Variants in SUSD1 observed in about 807,000 individuals in gnomAD.
SUSD1 encodes the protein sushi domain containing 1.
SUSD1 carries 65 observed loss-of-function variants against 86.9 expected under a neutral mutation model. The ratio of observed to expected loss-of-function variants is 0.75; its 90% CI spans 0.61 to 0.92. SUSD1 has a LOEUF of 0.92. Ranked by LOEUF, SUSD1 falls within the 40% of genes least tolerant of loss-of-function variation. SUSD1 has a pLI of 0.00. For missense variants in SUSD1, 850 were observed against 929.7 expected, an observed-to-expected ratio of 0.91 and a Z score of 1.11; for synonymous variants, 346 against 350.0, an observed-to-expected ratio of 0.99 and a Z score of 0.13.
At chr9:112,146,629 T>C (rs1397168424) in intron 3 of SUSD1, among the ~76,000 whole-genome samples, 3 of 145,292 alleles carry the variant, frequency 2.1e-5, no homozygotes, top group African/African-American at 7.8e-5. Flanking sequence ...TCATTCTTCT[T>C]CCTAACTTAA....
intron 2 of SUSD1, among the ~76,000 whole-genome samples, chr9:112,150,337 A>C (rs2691669): frequency 0.45 from 68,836 of 152,106 alleles, 16,178 homozygotes; most frequent in African/African-American, 0.59. Context: ...GCTGATCTAC[A>C]CAGTTAGCTT....
chr9:112,156,202 G>A (rs908656482), intron 2 of SUSD1, among the ~76,000 whole-genome samples: 109 of 151,320 alleles, frequency 7.2e-4, no homozygotes, highest in African/African-American at 2.3e-3. Context: ...AGTGGCTGAC[G>A]CTTGTAATCC....
chr9:112,141,304 C>T (rs1345558099), intron 5 of SUSD1, among the ~76,000 whole-genome samples: 1 of 152,224 alleles, frequency 6.6e-6, no homozygotes, highest in Non-Finnish European at 1.5e-5. Context: ...GGGACCACTA[C>T]AATGTGGTCC....
chr9:112,041,922 G>A lies in SUSD1; in HGVS notation c.2188C>T (p.Leu730=). The change falls in exon 16 of 17, where the codon CTG becomes TTG. Residue 730 remains leucine (L), a synonymous_variant. Transcript: ENST00000374270. ...ATGATCACAACAGCCAGGGAACCCA[G>A]TCCAACACCCGCCATCTGCAGCAGC... ...LMLLQMAGVG[L]GSLAVVIILT... 1 of 1,614,072 alleles carries A rather than the reference G, an allele frequency of 6.2e-7. No individual in the cohort carries two copies. Among genetic ancestry groups the A allele is most frequent in the Non-Finnish European group, 8.5e-7 (1 of 1,179,964 alleles).
chr9:112,052,468 G>C lies in SUSD1; in HGVS notation c.2110-30C>G. 2.5e-6 allele frequency: 4 copies of C among 1,613,496 alleles called. No homozygotes were observed. In the East Asian group the frequency reaches 8.9e-5, roughly 36 times the overall value. On this transcript the variant is annotated intron_variant, in intron 14 of 16. Coordinates refer to ENST00000374270, the MANE Select transcript of SUSD1 (RefSeq NM_022486.5). The stretch of plus-strand genomic sequence containing the variant: ...AAAGGAAAACATAGCAATGCATTTA[G>C]CTAGGTGGCACACAGTGTCAGTTTA...
intron 2 of SUSD1, among the ~76,000 whole-genome samples, chr9:112,150,561 C>T (rs1175416487): frequency 1.3e-5 from 2 of 152,150 alleles, no homozygotes; most frequent in African/African-American, 2.4e-5. Flanking sequence ...GGGACACATA[C>T]TGAGGATTGT....
intron 8 of SUSD1, among the ~76,000 whole-genome samples, chr9:112,102,713 A>T (rs1022756516): frequency 5.3e-5 from 8 of 152,240 alleles, no homozygotes; most frequent in African/African-American, 1.9e-4. Flanking sequence ...GGCAAATAAA[A>T]ATCAAAGGCT....
chr9:112,156,110 T>A (rs1164291454), intron 2 of SUSD1, among the ~76,000 whole-genome samples: 2 of 150,992 alleles, frequency 1.3e-5, no homozygotes, highest in Non-Finnish European at 3.0e-5. Flanking sequence ...CATGCCACTG[T>A]ACTCCAGCCT....
At position 112,045,534 on chromosome 9, in the gene SUSD1, C is replaced by T. The variant is rs189264058; in HGVS notation, c.2150-3574G>A. Among the ~76,000 whole-genome samples, 365 of 119,790 alleles carry T rather than the reference C, an allele frequency of 3.0e-3. 2 individuals are homozygous for T. The highest frequency in any genetic ancestry group is 4.6e-3 in the Non-Finnish European group (277 of 60,334). 78.6% of individuals were successfully genotyped at this position (119,790 alleles called of 152,430 possible). On this transcript the variant is annotated intron_variant, in intron 15 of 16. Transcript: ENST00000374270. ...ATTATGCGTGCCATATTTCCCTGACCAATTACTGACTCTGTGCAAGAAGAA... is the reference window on the plus strand; with the variant it reads ...ATTATGCGTGCCATATTTCCCTGACTAATTACTGACTCTGTGCAAGAAGAA...
intron 3 of SUSD1, among the ~76,000 whole-genome samples, chr9:112,143,856 G>A (rs546930844): frequency 2.0e-5 from 3 of 152,136 alleles, no homozygotes; most frequent in Non-Finnish European, 2.9e-5. Context: ...GTTTGTCAGT[G>A]TGTTCTGGGA....
At chr9:112,091,858 C>T (rs1830219512) in intron 10 of SUSD1, among the ~76,000 whole-genome samples, 1 of 152,150 alleles carries the variant, frequency 6.6e-6, no homozygotes, top group Admixed American at 6.5e-5. Flanking sequence ...AATTTGGTAT[C>T]TGGTCAGAAC....
intron 2 of SUSD1, among the ~76,000 whole-genome samples, chr9:112,152,872 G>A (rs564413527): frequency 2.1e-5 from 3 of 145,436 alleles, no homozygotes; most frequent in South Asian, 2.2e-4. Context: ...CTCCTGCCTC[G>A]ACTTCTTGAA....
intron 3 of SUSD1, chr9:112,146,180 GA>G (rs11307607): frequency 0.25 from 38,349 of 152,056 alleles, 5,483 homozygotes; most frequent in African/African-American, 0.38. Flanking sequence ...GATTCTGAAA[GA>G]AACAGTATTA....
At chr9:112,157,476 C>T in intron 2 of SUSD1, 24 bp downstream of exon 2, 1 of 1,546,832 alleles carries the variant, frequency 6.5e-7, no homozygotes, top group Non-Finnish European at 8.9e-7. Context: ...AGCTTTTCAA[C>T]TTAACCCAGA....
chr9:112,081,845 A>G (rs1829780105), intron 10 of SUSD1, among the ~76,000 whole-genome samples: 1 of 152,240 alleles, frequency 6.6e-6, no homozygotes, highest in Non-Finnish European at 1.5e-5. Context: ...TGGAAAAGCT[A>G]TTAATAGGTT....
chr9:112,042,177 G>C (rs1182608949), intron 15 of SUSD1: 2 of 1,536,942 alleles, frequency 1.3e-6, no homozygotes, highest in Non-Finnish European at 1.7e-6. Flanking sequence ...TGAAAAGGAA[G>C]TGTAAAGCCA....
intron 8 of SUSD1, among the ~76,000 whole-genome samples, chr9:112,107,254 C>CAAAAAAAAAA (rs71382407): frequency 2.0e-4 from 13 of 66,120 alleles, no homozygotes; most frequent in East Asian, 4.3e-4. Flanking sequence ...GACCATATCT[C>CAAAAAAAAAA]AAAAAAAAAA....
chr9:112,111,150 A>G (rs1831079847), intron 8 of SUSD1, among the ~76,000 whole-genome samples: 1 of 151,862 alleles, frequency 6.6e-6, no homozygotes, highest in South Asian at 2.1e-4. Context: ...GTGCCACCAC[A>G]CCCAGCTAAG....
At chr9:112,051,408 CTTTTTTTTT>C (rs746946192) in intron 15 of SUSD1, among the ~76,000 whole-genome samples, 7 of 77,050 alleles carry the variant, frequency 9.1e-5, no homozygotes, top group African/African-American at 2.4e-4. Flanking sequence ...TTTTTCTTTT[CTTTTTTTTT>C]TTTTTTTTTT....
Sources: allele counts gnomAD v4.1 joint callset (sites outside exome capture counted in the v4.1 genomes callset), GRCh38; gene constraint gnomAD v4.1.1; transcripts MANE v1.5; gene names NCBI Gene and HGNC (gene_info 2026-07-23, HGNC 2026-07-21).